The following NUP210L variants were observed in gnomAD, a reference collection of about 807,000 sequenced individuals.
The protein encoded by NUP210L is nucleoporin 210 like.
In NUP210L, 74 loss-of-function variants were observed where a neutral mutation model predicts 208.5. The observed-to-expected ratio is 0.35, with a 90% CI of 0.29 to 0.43. NUP210L has a LOEUF of 0.43. Ranked by LOEUF, NUP210L falls within the 20% of genes least tolerant of loss-of-function variation. NUP210L has a pLI of 1.00. For synonymous variants in NUP210L, 780 were observed against 816.9 expected, an observed-to-expected ratio of 0.95 and a Z score of 0.77; for missense variants, 1,843 against 2,289.4, an observed-to-expected ratio of 0.81 and a Z score of 3.98.
chr1:154,110,804 G>A (rs1370421787), intron 12 of NUP210L, among the ~76,000 whole-genome samples: 1 of 151,262 alleles, frequency 6.6e-6, no homozygotes, highest in Non-Finnish European at 1.5e-5. Flanking sequence ...CTTGGGCCTG[G>A]GAGGTAGTGG....
At chr1:154,142,969 AC>A (rs1186538346) in intron 3 of NUP210L, among the ~76,000 whole-genome samples, 22 of 152,064 alleles carry the variant, frequency 1.4e-4, no homozygotes. Flanking sequence ...CGGGTGGATC[AC>A]CTGAGGTCAG....
At chr1:154,011,716 T>C (rs1362100048) in intron 34 of NUP210L, among the ~76,000 whole-genome samples, 1 of 127,802 alleles carries the variant, frequency 7.8e-6, no homozygotes, top group Non-Finnish European at 1.6e-5. Context: ...TGAGATGGAG[T>C]CTCACTCTGC....
intron 15 of NUP210L, among the ~76,000 whole-genome samples, chr1:154,092,550 G>GTT (rs760240667): frequency 3.9e-5 from 5 of 128,536 alleles, no homozygotes; most frequent in African/African-American, 5.9e-5. Flanking sequence ...TTTGTTTTTT[G>GTT]TTTTTTTTTT....
intron 16 of NUP210L, among the ~76,000 whole-genome samples, chr1:154,080,378 A>C (rs1485215651): frequency 7.5e-6 from 1 of 134,106 alleles, no homozygotes; most frequent in East Asian, 2.4e-4. Flanking sequence ...AAAAAGGAAG[A>C]AGGAGAAAGA....
At chr1:154,134,266 T>C (rs1366813602) in intron 7 of NUP210L, among the ~76,000 whole-genome samples, 1 of 151,884 alleles carries the variant, frequency 6.6e-6, no homozygotes, top group Non-Finnish European at 1.5e-5. Context: ...AGAAATATAA[T>C]AGATATTTGC....
At chr1:154,056,928 C>T (rs758367850) in exon 23 of NUP210L, 36 of 1,608,408 alleles carry the variant, frequency 2.2e-5, no homozygotes, top group South Asian at 1.6e-4. Flanking sequence ...TCAGAGTATT[C>T]GTCCTGTTGC....
chr1:154,117,696 GTAA>G (rs749256153), intron 12 of NUP210L, 26 bp downstream of exon 12: 2 of 1,576,324 alleles, frequency 1.3e-6, no homozygotes, highest in East Asian at 4.5e-5. Context: ...TGTTGTAGGG[GTAA>G]TAAGAATATC....
chr1:154,148,712 T>C (rs1659234229), intron 2 of NUP210L, among the ~76,000 whole-genome samples: 1 of 152,170 alleles, frequency 6.6e-6, no homozygotes, highest in Non-Finnish European at 1.5e-5. Flanking sequence ...GCCTTCTACT[T>C]GATTAACATT....
intron 37 of NUP210L, among the ~76,000 whole-genome samples, chr1:153,996,947 G>GCACA (rs890873251): frequency 1.5e-4 from 23 of 148,756 alleles, no homozygotes; most frequent in Admixed American, 1.1e-3. Context: ...GACTACAGGT[G>GCACA]CACACCATCA....
intron 34 of NUP210L, among the ~76,000 whole-genome samples, chr1:154,011,692 T>TG (rs1489862043): frequency 7.3e-6 from 1 of 136,542 alleles, no homozygotes; most frequent in Non-Finnish European, 1.6e-5. Flanking sequence ...TTTTTTTTTT[T>TG]TTTTTTTTTT....
chr1:154,112,549 C>T (rs1657093598), intron 12 of NUP210L, among the ~76,000 whole-genome samples: 3 of 152,138 alleles, frequency 2.0e-5, no homozygotes, highest in Admixed American at 6.6e-5. Context: ...ATCAAAATAT[C>T]TCATGTATCC....
At chr1:154,094,856 T>C in intron 15 of NUP210L, 79 bp downstream of exon 15, 1 of 1,026,698 alleles carries the variant, frequency 9.7e-7, no homozygotes, top group Non-Finnish European at 1.5e-6. Flanking sequence ...TTCAGCAGAA[T>C]CTGAAAAGGA....
chr1:154,152,321 G>A (rs1214444011), intron 2 of NUP210L, among the ~76,000 whole-genome samples: 2 of 150,968 alleles, frequency 1.3e-5, no homozygotes, highest in African/African-American at 2.4e-5. Context: ...ACAGGTGTGC[G>A]CCACCACGCC....
At chr1:154,047,339 C>T (rs1264955637) in intron 25 of NUP210L, among the ~76,000 whole-genome samples, 1 of 152,066 alleles carries the variant, frequency 6.6e-6, no homozygotes, top group African/African-American at 2.4e-5. Context: ...CATTGTATGC[C>T]TATATCAAAA....
At chr1:154,071,845 C>T (rs1178688198) in intron 16 of NUP210L, among the ~76,000 whole-genome samples, 1 of 151,844 alleles carries the variant, frequency 6.6e-6, no homozygotes, top group African/African-American at 2.4e-5. Context: ...ACCATGTTAG[C>T]CAGGATGGTC....
At chr1:154,115,346 G>A (rs533746932) in intron 12 of NUP210L, among the ~76,000 whole-genome samples, 2 of 152,136 alleles carry the variant, frequency 1.3e-5, no homozygotes, top group African/African-American at 2.4e-5. Context: ...CAGTCTCCGT[G>A]GTAACTACTA....
chr1:154,065,428 A>G (rs572565466), intron 17 of NUP210L, among the ~76,000 whole-genome samples: 1 of 152,214 alleles, frequency 6.6e-6, no homozygotes, highest in Non-Finnish European at 1.5e-5. Context: ...CTCTAAAGAA[A>G]AAGAAATATA....
chr1:154,032,129 A>G (rs1652262644), intron 27 of NUP210L, among the ~76,000 whole-genome samples: 1 of 152,148 alleles, frequency 6.6e-6, no homozygotes, highest in East Asian at 1.9e-4. Flanking sequence ...GTTGCTTCCA[A>G]ATCTTGGCCA....
chr1:154,089,894 T>C (rs1054216425), intron 15 of NUP210L, among the ~76,000 whole-genome samples: 1 of 151,880 alleles, frequency 6.6e-6, no homozygotes, highest in Non-Finnish European at 1.5e-5. Flanking sequence ...GACCATCACA[T>C]AGTAAGACCC....
Sources: gnomAD v4.1 joint callset for allele counts (sites outside exome capture counted in the v4.1 genomes callset) on GRCh38, gnomAD v4.1.1 for gene constraint, MANE v1.5 for transcripts, NCBI Gene and HGNC (gene_info 2026-07-23, HGNC 2026-07-21) for gene names.